RASA1: variants seen among roughly 807,000 people sequenced by gnomAD.
RASA1 encodes RAS p21 protein activator 1, also known as ras GTPase-activating protein 1.
RASA1 carries 25 observed loss-of-function variants against 132.2 expected under a neutral mutation model. The observed-to-expected ratio is 0.19, with a 90% confidence interval of 0.14 to 0.26. The LOEUF is 0.26. RASA1 is among the 10% of genes least tolerant of loss of function. The probability of loss-of-function intolerance (pLI) is 1.00; values close to 1 mark genes in which losing one functional copy is unlikely to be tolerated. For synonymous variants in RASA1, 477 were observed against 449.9 expected (o/e 1.06, Z -0.76); for missense variants, 964 against 1,299.2 (o/e 0.74, Z 3.97).
chr5:87,349,212 A>T lies in RASA1; in HGVS notation c.1103-2A>T. 1 of 1,611,576 alleles carries T rather than the reference A, an allele frequency of 6.2e-7. No individual in the cohort carries two copies. Among genetic ancestry groups the T allele is most frequent in the Non-Finnish European group, 8.5e-7 (1 of 1,178,318 alleles). ...GAAAAACTAACAGCTTAATTCTTAC[A>T]GTTGGTCAAGTCTGCAGTTTTCTTG... On this transcript the variant is annotated splice_acceptor_variant, in intron 7 of 24. Coordinates refer to ENST00000274376, the MANE Select transcript of RASA1 (RefSeq NM_002890.3). LOFTEE classifies it high-confidence loss of function.
At chr5:87,377,605 C>G (rs552535012) in intron 17 of RASA1, among the ~76,000 whole-genome samples, 1 of 151,982 alleles carries the variant, frequency 6.6e-6, no homozygotes, top group Admixed American at 6.6e-5. Flanking sequence ...CCCAAAGTGC[C>G]GGGGTTACAG....
intron 5 of RASA1, among the ~76,000 whole-genome samples, chr5:87,338,615 A>G (rs1302988871): frequency 6.9e-6 from 1 of 145,588 alleles, no homozygotes; most frequent in African/African-American, 2.5e-5. Context: ...CAAGTGTTCC[A>G]CCCGCCTTAG....
At chr5:87,319,674 C>G (rs567929106) in intron 1 of RASA1, among the ~76,000 whole-genome samples, 1 of 152,302 alleles carries the variant, frequency 6.6e-6, no homozygotes, top group Admixed American at 6.5e-5. Context: ...CCATTTTTCC[C>G]TCTTAGACCT....
At position 87,385,289 on chromosome 5, in the gene RASA1, A is replaced by G. The variant is rs530525048; in HGVS notation, c.2759-12A>G. 7 of 1,579,366 alleles carry G rather than the reference A, an allele frequency of 4.4e-6. No homozygotes were observed. Among genetic ancestry groups the G allele is most frequent in the African/African-American group, 1.3e-5 (1 of 74,120 alleles). ...GACTTGGTGTCATTAGCTGTGCCCA[A>G]TTCTGTTACAGATTCTCCATCTCCT... is the stretch of plus-strand genomic sequence containing the variant. On this transcript the variant is annotated splice_polypyrimidine_tract_variant and intron_variant, in intron 21 of 24. Transcript: ENST00000274376.
chr5:87,337,595 G>A (rs181538679), intron 4 of RASA1, among the ~76,000 whole-genome samples: 24 of 152,150 alleles, frequency 1.6e-4, no homozygotes, highest in Non-Finnish European at 5.9e-5. Context: ...ACATCTGAAA[G>A]AGTAATAACA....
Position 87,379,910 on chromosome 5 carries a change from A to G in RASA1, c.2603+60A>G, listed in dbSNP as rs189907354. On this transcript the variant is annotated intron_variant, in intron 19 of 24. Coordinates refer to ENST00000274376, the MANE Select transcript of RASA1 (RefSeq NM_002890.3). ...TGTATCTATGTCTTCAGAAATTTCTATTTCTAAAACGTGAAAGCTTTTCTG... is the reference window on the plus strand; with the variant it reads ...TGTATCTATGTCTTCAGAAATTTCTGTTTCTAAAACGTGAAAGCTTTTCTG... 1,475 of 1,537,438 alleles carry G rather than the reference A, an allele frequency of 9.6e-4. 27 individuals carry two copies. The South Asian group carries it at 0.014, about 15-fold the overall frequency.
intron 1 of RASA1, among the ~76,000 whole-genome samples, chr5:87,289,898 C>G (rs952009499): frequency 6.6e-6 from 1 of 151,980 alleles, no homozygotes; most frequent in African/African-American, 2.4e-5. Context: ...CATGAGCCAC[C>G]GTGCCTGGCT....
chr5:87,281,264 C>G (rs544445342), intron 1 of RASA1, among the ~76,000 whole-genome samples: 5 of 145,080 alleles, frequency 3.4e-5, no homozygotes, highest in African/African-American at 1.3e-4. Flanking sequence ...TTTTTTGAGA[C>G]GGAGTTTCGC....
At chr5:87,356,383 A>AGT (rs1554047341) in intron 9 of RASA1, among the ~76,000 whole-genome samples, 1,670 of 141,736 alleles carry the variant, frequency 0.012, 21 homozygotes, top group African/African-American at 0.028. Context: ...GATGATTGTT[A>AGT]TTTTTTTTTT....
At chr5:87,302,608 G>C (rs1489972019) in intron 1 of RASA1, among the ~76,000 whole-genome samples, 1 of 150,550 alleles carries the variant, frequency 6.6e-6, no homozygotes, top group African/African-American at 2.4e-5. Flanking sequence ...ATACTGTATA[G>C]TATAGTATAC....
At chr5:87,317,338 A>G (rs1756420676) in intron 1 of RASA1, among the ~76,000 whole-genome samples, 1 of 152,180 alleles carries the variant, frequency 6.6e-6, no homozygotes, top group Non-Finnish European at 1.5e-5. Flanking sequence ...CTTCTTCCTC[A>G]TTAGATGGCC....
At chr5:87,353,806 A>G (rs528804023) in intron 9 of RASA1, among the ~76,000 whole-genome samples, 4 of 152,080 alleles carry the variant, frequency 2.6e-5, no homozygotes, top group Non-Finnish European at 5.9e-5. Context: ...AAAAGGAAAG[A>G]TTGGCCTTGA....
At chr5:87,358,701 T>C (rs1339829369) in intron 9 of RASA1, among the ~76,000 whole-genome samples, 2 of 152,228 alleles carry the variant, frequency 1.3e-5, no homozygotes, top group Non-Finnish European at 2.9e-5. Context: ...GTCCTTAGAA[T>C]GGCATACAAG....
At chr5:87,293,123 A>G (rs549021037) in intron 1 of RASA1, among the ~76,000 whole-genome samples, 5 of 152,076 alleles carry the variant, frequency 3.3e-5, no homozygotes, top group Admixed American at 2.0e-4. Context: ...TGCATTAGCT[A>G]GGACTTTGAG....
At chr5:87,342,791 T>C (rs1275688302) in intron 6 of RASA1, among the ~76,000 whole-genome samples, 1 of 152,186 alleles carries the variant, frequency 6.6e-6, no homozygotes, top group Non-Finnish European at 1.5e-5. Context: ...AGTCTAGTGT[T>C]GTTAGATCCT....
At chr5:87,386,602 G>A (rs1762079118) in intron 22 of RASA1, among the ~76,000 whole-genome samples, 1 of 151,972 alleles carries the variant, frequency 6.6e-6, no homozygotes, top group Non-Finnish European at 1.5e-5. Context: ...TATACTAGAA[G>A]GAAAATACTG....
intron 19 of RASA1, 24 bp downstream of exon 19, chr5:87,379,874 A>G (rs751808919): frequency 1.2e-6 from 2 of 1,606,286 alleles, no homozygotes; most frequent in East Asian, 2.2e-5. Flanking sequence ...TTTTCATTTG[A>G]CAAGAAATTG....
intron 1 of RASA1, among the ~76,000 whole-genome samples, chr5:87,287,005 CATATATATACA>C (rs1754610895): frequency 7.1e-6 from 1 of 140,190 alleles, no homozygotes; most frequent in Admixed American, 7.2e-5. Flanking sequence ...ATATATATAC[CATATATATACA>C]CCATATATAT....
At position 87,295,223 on chromosome 5, in the gene RASA1, A is replaced by G. The variant is rs138529718; in HGVS notation, c.539+26233A>G. Among the ~76,000 whole-genome samples, 1,378 of 152,032 alleles carry G rather than the reference A, an allele frequency of 9.1e-3. 20 individuals carry two copies. The highest frequency in any genetic ancestry group is 0.014 in the Non-Finnish European group (971 of 67,966). ...CTCCATCCCTTTGCTTTTAATCTGT[A>G]TGTGTTTTTATATTTAAAATGAGTT... On this transcript the variant is annotated intron_variant, in intron 1 of 24. Transcript: ENST00000274376.
Sources: allele counts gnomAD v4.1 joint callset (sites outside exome capture counted in the v4.1 genomes callset), GRCh38; gene constraint gnomAD v4.1.1; transcripts MANE v1.5; gene names NCBI Gene and HGNC (gene_info 2026-07-23, HGNC 2026-07-21).